The following HIVEP3 variants were observed in gnomAD, a reference collection of about 807,000 sequenced individuals.
HIVEP3 encodes the protein transcription factor HIVEP3.
In HIVEP3, 49 loss-of-function variants were observed where a neutral mutation model predicts 152.8. That is an observed-to-expected ratio of 0.32 (90% CI 0.26 to 0.41). The LOEUF (loss-of-function observed/expected upper bound fraction) is 0.41. Ranked by LOEUF, HIVEP3 falls within the 10% of genes least tolerant of loss-of-function variation. The pLI, the probability that HIVEP3 is intolerant of heterozygous loss-of-function variation, is 1.00. For synonymous variants in HIVEP3, 1,269 were observed against 1,289.0 expected, an observed-to-expected ratio of 0.98 and a Z score of 0.33; for missense variants, 2,790 against 3,103.3, an observed-to-expected ratio of 0.90 and a Z score of 2.40.
chr1:41,700,708 C>T (rs1646349106), intron 2 of HIVEP3, among the ~76,000 whole-genome samples: 2 of 152,250 alleles, frequency 1.3e-5, no homozygotes, highest in Non-Finnish European at 2.9e-5. Flanking sequence ...CTCCCATCAC[C>T]ATATGCTGCC....
intron 5 of HIVEP3, among the ~76,000 whole-genome samples, chr1:41,532,202 G>A (rs895699113): frequency 1.4e-5 from 2 of 140,910 alleles, no homozygotes; most frequent in African/African-American, 5.4e-5. Flanking sequence ...GATGAAGGAC[G>A]GGGAGATGGA....
chr1:41,699,090 G>T (rs1646321618), intron 2 of HIVEP3, among the ~76,000 whole-genome samples: 1 of 152,238 alleles, frequency 6.6e-6, no homozygotes, highest in Non-Finnish European at 1.5e-5. Context: ...CTCTAGGCCA[G>T]CCCTGCCCAT....
intron 2 of HIVEP3, among the ~76,000 whole-genome samples, chr1:41,634,505 A>G (rs1006663713): frequency 6.6e-6 from 1 of 152,162 alleles, no homozygotes; most frequent in African/African-American, 2.4e-5. Context: ...AAGACATAAA[A>G]TAAGATGACA....
intron 1 of HIVEP3, among the ~76,000 whole-genome samples, chr1:41,880,826 G>A (rs945025469): frequency 6.6e-6 from 1 of 152,132 alleles, no homozygotes; most frequent in African/African-American, 2.4e-5. Flanking sequence ...TCTGTGGGGC[G>A]AGCATCCCCT....
At chr1:41,937,281 C>T (rs1557530125) in intron 1 of HIVEP3, among the ~76,000 whole-genome samples, 1 of 152,142 alleles carries the variant, frequency 6.6e-6, no homozygotes, top group East Asian at 1.9e-4. Context: ...TCCTGGGGTA[C>T]AGCATGCAAT....
intron 5 of HIVEP3, among the ~76,000 whole-genome samples, chr1:41,563,558 A>G (rs558497843): frequency 6.6e-6 from 1 of 152,126 alleles, no homozygotes; most frequent in Admixed American, 6.5e-5. Context: ...ACCACTGTTG[A>G]AGACTCCCCG....
At chr1:41,551,292 G>T (rs1084459) in intron 5 of HIVEP3, among the ~76,000 whole-genome samples, 6,187 of 152,066 alleles carry the variant, frequency 0.041, 162 homozygotes, top group South Asian at 0.083. Flanking sequence ...ATTTTATTGA[G>T]GATTTTTACA....
chr1:41,876,285 G>A (rs1157188884), intron 1 of HIVEP3, among the ~76,000 whole-genome samples: 2 of 152,126 alleles, frequency 1.3e-5, no homozygotes, highest in African/African-American at 4.8e-5. Context: ...TCCTAGAGAG[G>A]CAAAGAGATA....
chr1:41,697,849 A>C (rs1438881135), intron 2 of HIVEP3, among the ~76,000 whole-genome samples: 3 of 152,272 alleles, frequency 2.0e-5, no homozygotes. Context: ...CTAGAGCAAA[A>C]GACATAGTAT....
At chr1:41,751,052 G>A (rs1647153916) in intron 1 of HIVEP3, among the ~76,000 whole-genome samples, 1 of 152,066 alleles carries the variant, frequency 6.6e-6, no homozygotes, top group Admixed American at 6.6e-5. Flanking sequence ...TCGTAAGAAC[G>A]GACATGGGCA....
In HIVEP3 at chr1:41,966,475, C is replaced by CTTTTTTTTTTTTTTTTT. The variant is rs58470482; in HGVS notation, n.120-47952_120-47951insAAAAAAAAAAAAAAAAA. Among the ~76,000 whole-genome samples, 148 of 95,796 alleles carry CTTTTTTTTTTTTTTTTT rather than the reference C, an allele frequency of 1.5e-3. 14 individuals are homozygous for CTTTTTTTTTTTTTTTTT. The highest frequency in any genetic ancestry group is 3.0e-3 in the East Asian group (7 of 2,366). 62.8% of individuals were successfully genotyped at this position (95,796 alleles called of 152,430 possible). On this transcript the variant is annotated intron_variant and non_coding_transcript_variant, in intron 1 of 3. Coordinates refer to the HIVEP3 transcript ENST00000489103. ...TCAAGACCCATCAGTGTGCTGTATT[C>CTTTTTTTTTTTTTTTTT]TTTTTTTTTTTTTTTTGAGATGGAG...
rs368376288 is a variant in HIVEP3, at chr1:41,709,379, C to T, written c.-800-8384G>A. On this transcript the variant is annotated intron_variant, in intron 1 of 8. Transcript: ENST00000372583. ...AGCAGCAGGCCAGGACAGCTGCATCCGGGTCATGTCAGGTGGAAGCCCAGA... is the reference window on the plus strand; with the variant it reads ...AGCAGCAGGCCAGGACAGCTGCATCTGGGTCATGTCAGGTGGAAGCCCAGA... Among the ~76,000 whole-genome samples the T allele has an allele frequency of 1.6e-4, 25 of 152,300 alleles. No homozygotes were observed. The East Asian group carries it at 2.7e-3, about 16-fold the overall frequency.
chr1:41,535,638 C>T (rs140445814), intron 5 of HIVEP3: 1 of 152,242 alleles, frequency 6.6e-6, no homozygotes, highest in Non-Finnish European at 1.5e-5. Flanking sequence ...ATGGCGAGAC[C>T]AGGGTCTTCA....
chr1:41,907,992 T>A (rs569283595), intron 1 of HIVEP3, among the ~76,000 whole-genome samples: 254 of 152,260 alleles, frequency 1.7e-3, no homozygotes, highest in Non-Finnish European at 3.1e-3. Flanking sequence ...AAGCCTATAA[T>A]TCTATAAAAA....
chr1:41,648,222 C>T (rs1043690020), intron 2 of HIVEP3, among the ~76,000 whole-genome samples: 2 of 152,240 alleles, frequency 1.3e-5, no homozygotes, highest in Middle Eastern at 3.2e-3. Flanking sequence ...ATGTCCTCCA[C>T]GACTGTTTAA....
intron 1 of HIVEP3, among the ~76,000 whole-genome samples, chr1:41,954,593 AG>A (rs2124493579): frequency 6.6e-6 from 1 of 152,348 alleles, no homozygotes; most frequent in East Asian, 1.9e-4. Context: ...GTCTCTGAGC[AG>A]GGGGTCATGG....
At chr1:41,822,541 G>A (rs1174424912) in intron 1 of HIVEP3, among the ~76,000 whole-genome samples, 1 of 152,182 alleles carries the variant, frequency 6.6e-6, no homozygotes, top group Non-Finnish European at 1.5e-5. Context: ...TCACAGGGAT[G>A]AAGAAAGAAT....
chr1:41,937,494 T>C (rs1326413220), intron 1 of HIVEP3, among the ~76,000 whole-genome samples: 1 of 152,182 alleles, frequency 6.6e-6, no homozygotes, highest in Non-Finnish European at 1.5e-5. Context: ...CCACTAGCCA[T>C]ATGTAGCTAT....
chr1:41,783,155 T>C (rs373978869), intron 1 of HIVEP3, among the ~76,000 whole-genome samples: 1 of 152,104 alleles, frequency 6.6e-6, no homozygotes, highest in East Asian at 1.9e-4. Context: ...GAGTCACCAA[T>C]GGGACAGAAT....
Sources: gnomAD v4.1 joint callset for allele counts (sites outside exome capture counted in the v4.1 genomes callset) on GRCh38, gnomAD v4.1.1 for gene constraint, MANE v1.5 for transcripts, NCBI Gene and HGNC (gene_info 2026-07-23, HGNC 2026-07-21) for gene names.